Variants in GRID1 observed in about 807,000 individuals in gnomAD.
GRID1 encodes the protein glutamate ionotropic receptor delta type subunit 1, also known as glutamate receptor ionotropic, delta-1.
A neutral mutation model predicts 98.0 loss-of-function variants in GRID1; 28 were observed. The ratio of observed to expected loss-of-function variants is 0.29; its 90% CI spans 0.21 to 0.39. GRID1 has a LOEUF of 0.39. Among genes scored for constraint, GRID1 ranks in the 10% least tolerant of loss-of-function variants. GRID1 has a pLI of 1.00. For missense variants in GRID1, 1,111 were observed against 1,340.5 expected (o/e 0.83, Z 2.67); for synonymous variants, 553 against 538.5 (o/e 1.03, Z -0.37).
At chr10:86,006,406 G>A (rs547323159) in intron 4 of GRID1, among the ~76,000 whole-genome samples, 3 of 152,260 alleles carry the variant, frequency 2.0e-5, no homozygotes, top group African/African-American at 4.8e-5. Flanking sequence ...GGATCATGAG[G>A]TCAAGAGATC....
intron 4 of GRID1, among the ~76,000 whole-genome samples, chr10:85,952,922 G>T (rs915968194): frequency 6.6e-6 from 1 of 152,022 alleles, no homozygotes; most frequent in African/African-American, 2.4e-5. Flanking sequence ...GACAACAAGG[G>T]TAAAAACATT....
At chr10:85,981,363 G>A (rs1182652336) in intron 4 of GRID1, among the ~76,000 whole-genome samples, 2 of 152,208 alleles carry the variant, frequency 1.3e-5, no homozygotes, top group Non-Finnish European at 2.9e-5. Context: ...TCACTCCAGG[G>A]AAAAGCCTTC....
chr10:86,022,950 T>A (rs1343223256), intron 4 of GRID1, among the ~76,000 whole-genome samples: 2 of 152,042 alleles, frequency 1.3e-5, no homozygotes, highest in Non-Finnish European at 2.9e-5. Context: ...AAAATTCCTT[T>A]TTTAAGACCT....
chr10:85,639,909 T>G (rs1354393218), intron 13 of GRID1, among the ~76,000 whole-genome samples: 1 of 152,164 alleles, frequency 6.6e-6, no homozygotes, highest in Non-Finnish European at 1.5e-5. Flanking sequence ...TTCTAACATA[T>G]AGTAGATGCT....
chr10:85,868,972 TG>T (rs764892286), intron 6 of GRID1, 37 bp downstream of exon 6: 17 of 1,585,846 alleles, frequency 1.1e-5, no homozygotes, highest in Non-Finnish European at 1.5e-5. Flanking sequence ...GTGAGACTCT[TG>T]GTGGAGGGGA....
At chr10:86,260,147 G>A (rs893932088) in intron 2 of GRID1, among the ~76,000 whole-genome samples, 4 of 152,180 alleles carry the variant, frequency 2.6e-5, no homozygotes, top group African/African-American at 9.7e-5. Context: ...CTTGTTCTCT[G>A]TTCTACCTTC....
At position 86,182,581 on chromosome 10, in the gene GRID1, A is replaced by C. The variant is rs79481626; in HGVS notation, c.520+23783T>G. Among the ~76,000 whole-genome samples the C allele has an allele frequency of 5.5e-3, 842 of 152,326 alleles. 20 individuals are homozygous for C. In the East Asian group the frequency reaches 0.079, roughly 14 times the overall value. ...GATGTACTAATAAACCTTAATGCAG[A>C]CTGGTGATAAAGGAAGAAAATTATA... On this transcript the variant is annotated intron_variant, in intron 3 of 15. Coordinates refer to ENST00000327946, the MANE Select transcript of GRID1 (RefSeq NM_017551.3).
intron 12 of GRID1, among the ~76,000 whole-genome samples, chr10:85,650,663 T>C (rs1843256814): frequency 1.3e-5 from 2 of 152,002 alleles, no homozygotes; most frequent in Non-Finnish European, 2.9e-5. Context: ...AGCTAACCCA[T>C]GGGTAGGAGC....
chr10:85,663,681 A>C (rs1420508756), intron 12 of GRID1, among the ~76,000 whole-genome samples: 1 of 152,146 alleles, frequency 6.6e-6, no homozygotes, highest in Non-Finnish European at 1.5e-5. Context: ...GAAGGTGGAG[A>C]CCATGCTTTC....
At chr10:86,242,749 T>A (rs141690908) in intron 2 of GRID1, among the ~76,000 whole-genome samples, 9 of 152,312 alleles carry the variant, frequency 5.9e-5, no homozygotes, top group Middle Eastern at 3.4e-3. Context: ...GAGCTCTCCA[T>A]GTGCCAGATA....
intron 8 of GRID1, among the ~76,000 whole-genome samples, chr10:85,851,046 A>G (rs569236207): frequency 6.6e-6 from 1 of 152,326 alleles, no homozygotes; most frequent in South Asian, 2.1e-4. Flanking sequence ...TCAGAGCTCA[A>G]TCATGAGCTA....
At chr10:85,866,047 T>G (rs1236322385) in intron 6 of GRID1, among the ~76,000 whole-genome samples, 1 of 147,554 alleles carries the variant, frequency 6.8e-6, no homozygotes, top group African/African-American at 2.5e-5. Flanking sequence ...TCTTAATAGA[T>G]TCATCCTTTA....
At chr10:85,763,899 A>G (rs904210407) in intron 8 of GRID1, among the ~76,000 whole-genome samples, 2 of 152,172 alleles carry the variant, frequency 1.3e-5, no homozygotes, top group South Asian at 2.1e-4. Context: ...AAATAATTTC[A>G]TCTCTGTGTG....
In GRID1 at chr10:86,308,015, A is replaced by G. The variant is rs372169204; in HGVS notation, c.235+55926T>C. Among the ~76,000 whole-genome samples, 68 of 152,264 alleles carry G rather than the reference A, an allele frequency of 4.5e-4. No homozygotes were observed. The Middle Eastern group carries it at 0.01, about 23-fold the overall frequency. Reference sequence around the variant, plus strand: ...GATCCCCGGAACTTACTCATCTCATACAACTGTAGGTTTATACCCATTGAA... The same window carrying G: ...GATCCCCGGAACTTACTCATCTCATGCAACTGTAGGTTTATACCCATTGAA... On this transcript the variant is annotated intron_variant, in intron 2 of 15. Transcript: ENST00000327946.
chr10:85,835,670 C>G (rs1842906107), intron 8 of GRID1, among the ~76,000 whole-genome samples: 2 of 152,152 alleles, frequency 1.3e-5, no homozygotes, highest in African/African-American at 4.8e-5. Context: ...ACTAATACAA[C>G]AATCAACCAA....
chr10:85,696,069 A>C (rs1484270686), intron 12 of GRID1, among the ~76,000 whole-genome samples: 1 of 152,176 alleles, frequency 6.6e-6, no homozygotes, highest in Non-Finnish European at 1.5e-5. Context: ...ACCATAAAGC[A>C]CAAGTCTGCC....
chr10:85,689,156 A>G (rs1268587134), intron 12 of GRID1, among the ~76,000 whole-genome samples: 1 of 152,264 alleles, frequency 6.6e-6, no homozygotes, highest in Non-Finnish European at 1.5e-5. Context: ...CATAAAAATG[A>G]TAAAATATCA....
At chr10:85,761,522 G>T (rs1356781859) in intron 8 of GRID1, among the ~76,000 whole-genome samples, 2 of 152,182 alleles carry the variant, frequency 1.3e-5, no homozygotes, top group Non-Finnish European at 2.9e-5. Context: ...GAGGTAACAG[G>T]CATACAAATT....
intron 2 of GRID1, among the ~76,000 whole-genome samples, chr10:86,291,619 T>C (rs564246073): frequency 2.6e-3 from 402 of 152,342 alleles, no homozygotes; most frequent in Non-Finnish European, 4.4e-3. Flanking sequence ...CCTGGGCTGC[T>C]GTCCCCAACA....
Sources: allele counts gnomAD v4.1 joint callset (sites outside exome capture counted in the v4.1 genomes callset), GRCh38; gene constraint gnomAD v4.1.1; transcripts MANE v1.5; gene names NCBI Gene and HGNC (gene_info 2026-07-23, HGNC 2026-07-21).